TGM3: variants seen among roughly 807,000 people sequenced by gnomAD.
The protein encoded by TGM3 is transglutaminase 3.
In TGM3, 52 loss-of-function variants were observed where a neutral mutation model predicts 73.8. The ratio of observed to expected loss-of-function variants is 0.70; its 90% CI spans 0.56 to 0.89. The LOEUF (loss-of-function observed/expected upper bound fraction) is 0.89. Among genes scored for constraint, TGM3 ranks in the 40% least tolerant of loss-of-function variants. The pLI is 0.00. For synonymous variants in TGM3, 372 were observed against 354.9 expected, an observed-to-expected ratio of 1.05 and a Z score of -0.54; for missense variants, 928 against 909.9, an observed-to-expected ratio of 1.02 and a Z score of -0.26.
chr20:2,305,213 C>T (rs1340933979), intron 1 of TGM3, among the ~76,000 whole-genome samples: 5 of 143,128 alleles, frequency 3.5e-5, no homozygotes, highest in East Asian at 2.2e-4. Flanking sequence ...CCTCTGTGGA[C>T]GTGGGTAGTG....
chr20:2,301,031 G>A (rs759366757), intron 1 of TGM3, among the ~76,000 whole-genome samples: 12 of 152,014 alleles, frequency 7.9e-5, no homozygotes, highest in Non-Finnish European at 1.3e-4. Flanking sequence ...GCCTCTCACC[G>A]GTTCAGGCAC....
chr20:2,320,407 G>A (rs1046231562), intron 7 of TGM3, among the ~76,000 whole-genome samples: 12 of 152,216 alleles, frequency 7.9e-5, no homozygotes, highest in Admixed American at 1.3e-4. Flanking sequence ...TTTCATGGAT[G>A]AGAAAACAAA....
At chr20:2,315,029 C>T (rs529462918) in intron 5 of TGM3, among the ~76,000 whole-genome samples, 11 of 152,182 alleles carry the variant, frequency 7.2e-5, no homozygotes, top group East Asian at 3.9e-4. Flanking sequence ...ACTTAGTAGC[C>T]GAGGGAGAGT....
intron 11 of TGM3, among the ~76,000 whole-genome samples, chr20:2,338,019 C>G (rs1331939587): frequency 1.3e-5 from 2 of 152,162 alleles, no homozygotes; most frequent in African/African-American, 4.8e-5. Context: ...TTCACCTAAT[C>G]GAGACATTCT....
chr20:2,299,531 T>C (rs986596664), intron 1 of TGM3, among the ~76,000 whole-genome samples: 2 of 152,156 alleles, frequency 1.3e-5, no homozygotes, highest in Non-Finnish European at 2.9e-5. Flanking sequence ...AGTTAGGAAA[T>C]CTCGCTTAGC....
intron 1 of TGM3, among the ~76,000 whole-genome samples, chr20:2,299,109 C>T (rs1481640628): frequency 1.3e-5 from 2 of 152,038 alleles, no homozygotes; most frequent in Non-Finnish European, 2.9e-5. Flanking sequence ...CCACTCTGCC[C>T]CTTACGAGAA....
Position 2,335,368 on chromosome 20 carries a change from G to T in TGM3, c.1800+95G>T. ...GTCCCTGTGAGCCACAGCTCTCCCAGAGGGCAAAGGAGAGTTTTTTCTTGC... is the reference window on the plus strand; with the variant it reads ...GTCCCTGTGAGCCACAGCTCTCCCATAGGGCAAAGGAGAGTTTTTTCTTGC... On this transcript the variant is annotated intron_variant, in intron 11 of 12. Coordinates refer to ENST00000381458, the MANE Select transcript of TGM3 (RefSeq NM_003245.4). The T allele has an allele frequency of 2.0e-6, 3 of 1,471,964 alleles. No homozygotes were observed. The Admixed American group carries it at 6.2e-5, about 30-fold the overall frequency. 91.2% of individuals were successfully genotyped at this position (1,471,964 alleles called of 1,614,324 possible).
At chr20:2,337,955 T>A (rs2084360224) in intron 11 of TGM3, among the ~76,000 whole-genome samples, 1 of 152,182 alleles carries the variant, frequency 6.6e-6, no homozygotes, top group African/African-American at 2.4e-5. Context: ...TTAATCTTTT[T>A]AAATGACTCC....
chr20:2,319,640 C>A (rs1025431551), intron 7 of TGM3, among the ~76,000 whole-genome samples: 6 of 152,170 alleles, frequency 3.9e-5, no homozygotes, highest in Non-Finnish European at 7.3e-5. Context: ...TTTCTGTGGC[C>A]TCATGGGAGG....
intron 1 of TGM3, among the ~76,000 whole-genome samples, chr20:2,297,750 C>T (rs1453371954): frequency 6.6e-6 from 1 of 152,140 alleles, no homozygotes; most frequent in African/African-American, 2.4e-5. Context: ...CAGGAAGTTC[C>T]CAATCAGTGT....
rs1361739848 is a variant in TGM3 at position 2,334,987 on chromosome 20, G to A, written c.1643-129G>A. The A allele has an allele frequency of 5.9e-6, 7 of 1,195,600 alleles. No homozygotes were observed. The highest frequency in any genetic ancestry group is 1.4e-5 in the South Asian group (1 of 69,784). 74.1% of individuals were successfully genotyped at this position (1,195,600 alleles called of 1,614,324 possible). On this transcript the variant is annotated intron_variant, in intron 10 of 12. Transcript: ENST00000381458. This position sits in a 1 kb window ranked among gnomAD's most constrained non-coding sequence, Gnocchi z 4.0. ...TCCCACAGGACCTGGCCCAAGGAGG[G>A]CTCAGTCAAGCCCGGGGCTGCAGAT...
chr20:2,311,094 A>G lies in TGM3; in HGVS notation c.505A>G (p.Asn169Asp), dbSNP rs770079746. 1.2e-6 allele frequency: 2 copies of G among 1,614,114 alleles called. No homozygotes were observed. The highest frequency in any genetic ancestry group is 1.1e-5 in the South Asian group (1 of 91,076). The change falls in exon 4 of 13, where the codon AAC becomes GAC. Residue 169 changes from asparagine to aspartate, a missense_variant. Asn to Asp is a conservative substitution (Grantham distance 23, BLOSUM62 1). Coordinates refer to ENST00000381458, the MANE Select transcript of TGM3 (RefSeq NM_003245.4). ...DAGIIFVGST[N>D]RIGMIGWNFG... Reference sequence around the variant, plus strand: ...CGGCATCATCTTTGTGGGAAGCACAAACCGAATTGGCATGATTGGCTGGAA... The same window carrying G: ...CGGCATCATCTTTGTGGGAAGCACAGACCGAATTGGCATGATTGGCTGGAA...
chr20:2,312,461 T>G (rs901008573), intron 4 of TGM3, among the ~76,000 whole-genome samples: 2 of 150,634 alleles, frequency 1.3e-5, no homozygotes, highest in Non-Finnish European at 2.9e-5. Context: ...TGAGATGAGT[T>G]TGGCCTAATT....
intron 5 of TGM3, among the ~76,000 whole-genome samples, chr20:2,313,356 AG>A (rs2084216914): frequency 6.6e-6 from 1 of 152,192 alleles, no homozygotes; most frequent in African/African-American, 2.4e-5. Context: ...GAGAATGCAA[AG>A]CTAGGGCTCT....
At chr20:2,315,357 T>C (rs11907047) in intron 5 of TGM3, among the ~76,000 whole-genome samples, 5,397 of 152,310 alleles carry the variant, frequency 0.035, 357 homozygotes, top group African/African-American at 0.12. Context: ...ATAGCCACTT[T>C]GGAGGCTGGA....
chr20:2,305,737 C>A (rs145527696), intron 1 of TGM3, among the ~76,000 whole-genome samples: 1 of 152,182 alleles, frequency 6.6e-6, no homozygotes, highest in South Asian at 2.1e-4. Flanking sequence ...AGTGCAAATG[C>A]GAGCTCTGGA....
At chr20:2,323,929 T>C (rs919182847) in intron 7 of TGM3, among the ~76,000 whole-genome samples, 13 of 152,368 alleles carry the variant, frequency 8.5e-5, no homozygotes, top group African/African-American at 3.1e-4. Flanking sequence ...TTCTTATTTT[T>C]TCATCACTTA....
At chr20:2,296,811 C>A (rs1468637283) in intron 1 of TGM3, among the ~76,000 whole-genome samples, 1 of 152,198 alleles carries the variant, frequency 6.6e-6, no homozygotes, top group East Asian at 1.9e-4. Context: ...TGCTAAGCAG[C>A]ATGCTAATTA....
intron 11 of TGM3, among the ~76,000 whole-genome samples, chr20:2,335,773 G>A (rs931692758): frequency 6.6e-6 from 1 of 152,230 alleles, no homozygotes; most frequent in South Asian, 2.1e-4. Context: ...ATCAGAAATA[G>A]GCCTGACCCA....
Sources: allele counts gnomAD v4.1 joint callset (sites outside exome capture counted in the v4.1 genomes callset), GRCh38; gene constraint gnomAD v4.1.1; non-coding constraint Gnocchi (gnomAD v3.1); transcripts MANE v1.5; gene names NCBI Gene and HGNC (gene_info 2026-07-23, HGNC 2026-07-21).